DLGAP2: variants seen among roughly 807,000 people sequenced by gnomAD.
DLGAP2 encodes disks large-associated protein 2.
Under a neutral mutation model 100.3 loss-of-function variants are expected in DLGAP2, and 26 were observed. That is an observed-to-expected ratio of 0.26 (90% CI 0.19 to 0.36). The LOEUF (loss-of-function observed/expected upper bound fraction) is 0.36, where lower values mean the gene tolerates loss of function less well. Among genes scored for constraint, DLGAP2 ranks in the 10% least tolerant of loss-of-function variants. DLGAP2 has a pLI of 1.00. For synonymous variants in DLGAP2, 886 were observed against 630.1 expected, an observed-to-expected ratio of 1.41 and a Z score of -6.08; for missense variants, 1,858 against 1,453.2, an observed-to-expected ratio of 1.28 and a Z score of -4.53.
intron 2 of DLGAP2, among the ~76,000 whole-genome samples, chr8:1,184,176 C>T (rs979885665): frequency 6.6e-6 from 1 of 152,150 alleles, no homozygotes; most frequent in Non-Finnish European, 1.5e-5. Flanking sequence ...ACCGTCATGC[C>T]TCATTCTAAA....
chr8:1,207,215 C>A (rs543152664), intron 2 of DLGAP2, among the ~76,000 whole-genome samples: 26 of 152,282 alleles, frequency 1.7e-4, no homozygotes, highest in African/African-American at 6.0e-4. Context: ...AACGTGTAGT[C>A]TTTTATCCTC....
intron 2 of DLGAP2, among the ~76,000 whole-genome samples, chr8:1,199,360 T>C (rs1797820426): frequency 6.6e-6 from 1 of 152,232 alleles, no homozygotes; most frequent in Admixed American, 6.5e-5. Flanking sequence ...TAGCAGTTTC[T>C]TTTTTGCATA....
chr8:1,385,954 G>A (rs991049933), intron 3 of DLGAP2, among the ~76,000 whole-genome samples: 1 of 152,272 alleles, frequency 6.6e-6, no homozygotes, highest in Admixed American at 6.5e-5. Flanking sequence ...AGCACCCACA[G>A]TCCTAATACT....
At chr8:1,155,479 G>A (rs943044043) in intron 2 of DLGAP2, among the ~76,000 whole-genome samples, 2 of 152,120 alleles carry the variant, frequency 1.3e-5, no homozygotes, top group Non-Finnish European at 2.9e-5. Context: ...ATTCACTCTC[G>A]GAATCTTGGA....
At chr8:843,861 A>G (rs964144399) in intron 1 of DLGAP2, among the ~76,000 whole-genome samples, 10 of 152,222 alleles carry the variant, frequency 6.6e-5, no homozygotes, top group Admixed American at 6.5e-4. Context: ...TAAGTTGTCA[A>G]TAAGAGTAAC....
intron 2 of DLGAP2, among the ~76,000 whole-genome samples, chr8:989,941 G>A (rs776370996): frequency 7.2e-5 from 11 of 151,978 alleles, no homozygotes; most frequent in African/African-American, 9.7e-5. Context: ...GTGAAATGTC[G>A]CTGTTGGGTG....
chr8:783,944 A>G (rs1009301633), intron 1 of DLGAP2, among the ~76,000 whole-genome samples: 1 of 152,226 alleles, frequency 6.6e-6, no homozygotes, highest in Non-Finnish European at 1.5e-5. Flanking sequence ...TCTTAGGAGT[A>G]ATTGTTAATG....
rs185872342 is a variant in DLGAP2, at chr8:802,485, G to A, written c.18+64660G>A. Among the ~76,000 whole-genome samples, 888 of 152,276 alleles carry A rather than the reference G, an allele frequency of 5.8e-3. 9 individuals carry two copies. Among genetic ancestry groups the A allele is most frequent in the African/African-American group, 0.02 (836 of 41,560 alleles). ...TTGGGGTCGTGTTGTCCTTGCTGCTGCTTCTCAACTTGCTGGGTGGTGGTA... is the reference window on the plus strand; with the variant it reads ...TTGGGGTCGTGTTGTCCTTGCTGCTACTTCTCAACTTGCTGGGTGGTGGTA... On this transcript the variant is annotated intron_variant, in intron 1 of 14. Transcript: ENST00000637795.
chr8:1,392,886 TCTG>T (rs1563123583), intron 3 of DLGAP2, among the ~76,000 whole-genome samples: 41 of 137,330 alleles, frequency 3.0e-4, no homozygotes, highest in Admixed American at 4.3e-4. Flanking sequence ...ATGTGACGTT[TCTG>T]TTTTTTTTTT....
At chr8:947,062 C>CA (rs1167168897) in intron 2 of DLGAP2, among the ~76,000 whole-genome samples, 2 of 152,212 alleles carry the variant, frequency 1.3e-5, no homozygotes, top group African/African-American at 4.8e-5. Flanking sequence ...AGGCGCCTCC[C>CA]AAGAGAGACT....
chr8:1,090,117 C>T (rs1251756986), intron 2 of DLGAP2, among the ~76,000 whole-genome samples: 6 of 144,864 alleles, frequency 4.1e-5, no homozygotes, highest in African/African-American at 1.6e-4. Context: ...AACTCACACC[C>T]CGAGGACCTG....
At chr8:1,045,914 G>A (rs569547656) in intron 2 of DLGAP2, among the ~76,000 whole-genome samples, 1 of 152,166 alleles carries the variant, frequency 6.6e-6, no homozygotes, top group Non-Finnish European at 1.5e-5. Context: ...CAGACCTGCC[G>A]TTTGTAATCA....
intron 2 of DLGAP2, among the ~76,000 whole-genome samples, chr8:1,126,968 C>A (rs944090710): frequency 6.6e-6 from 1 of 151,528 alleles, no homozygotes; most frequent in South Asian, 2.1e-4. Context: ...CCCAGCCCAG[C>A]TCTTAAACTG....
intron 3 of DLGAP2, among the ~76,000 whole-genome samples, chr8:1,422,291 T>C (rs1015456071): frequency 3.3e-5 from 5 of 152,196 alleles, no homozygotes; most frequent in African/African-American, 1.2e-4. Flanking sequence ...AATGTCATTC[T>C]AGTTTTCACA....
chr8:1,242,300 G>C (rs1221934340), intron 2 of DLGAP2, among the ~76,000 whole-genome samples: 1 of 152,168 alleles, frequency 6.6e-6, no homozygotes, highest in Non-Finnish European at 1.5e-5. Context: ...GAGGATGCAG[G>C]TGACGGGGCA....
At chr8:1,660,950 T>G (rs1798396337) in intron 8 of DLGAP2, among the ~76,000 whole-genome samples, 1 of 152,184 alleles carries the variant, frequency 6.6e-6, no homozygotes, top group African/African-American at 2.4e-5. Context: ...ATACCGCAAC[T>G]TTCAGCAACA....
chr8:1,000,318 T>C (rs1185906225), intron 2 of DLGAP2, among the ~76,000 whole-genome samples: 1 of 151,684 alleles, frequency 6.6e-6, no homozygotes, highest in Non-Finnish European at 1.5e-5. Context: ...TGATGTTCTC[T>C]AGAGCGGACA....
intron 8 of DLGAP2, among the ~76,000 whole-genome samples, chr8:1,652,369 G>A (rs1164369886): frequency 6.6e-6 from 1 of 152,172 alleles, no homozygotes; most frequent in Non-Finnish European, 1.5e-5. Context: ...TTTCCTCGCT[G>A]CTGAATTCCC....
chr8:1,190,819 G>A (rs961257613), intron 2 of DLGAP2, among the ~76,000 whole-genome samples: 7 of 151,946 alleles, frequency 4.6e-5, no homozygotes, highest in Non-Finnish European at 8.8e-5. Flanking sequence ...TCTGTAGGGG[G>A]CAGACCCAAG....
Sources: gnomAD v4.1 joint callset for allele counts (sites outside exome capture counted in the v4.1 genomes callset) on GRCh38, gnomAD v4.1.1 for gene constraint, MANE v1.5 for transcripts, NCBI Gene and HGNC (gene_info 2026-07-23, HGNC 2026-07-21) for gene names.